CPA4: variants seen among roughly 807,000 people sequenced by gnomAD.
CPA4 encodes carboxypeptidase A3.
In CPA4, 49 loss-of-function variants were observed where a neutral mutation model predicts 54.7. The ratio of observed to expected loss-of-function variants is 0.90; its 90% CI spans 0.71 to 1.14. CPA4 has a LOEUF of 1.14. Ranked by LOEUF, CPA4 falls within the 50% of genes most tolerant of loss-of-function variation. The pLI is 0.00. For missense variants in CPA4, 487 were observed against 525.1 expected (o/e 0.93, Z 0.71); for synonymous variants, 215 against 206.8 (o/e 1.04, Z -0.34).
chr7:130,316,144 A>T (rs183320971), intron 10 of CPA4, among the ~76,000 whole-genome samples: 1 of 152,338 alleles, frequency 6.6e-6, no homozygotes, highest in East Asian at 1.9e-4. Flanking sequence ...TTTGCTCAAT[A>T]GTCAGCCTCA....
chr7:130,303,805 T>TG (rs1001236750), intron 4 of CPA4, among the ~76,000 whole-genome samples: 18 of 149,800 alleles, frequency 1.2e-4, no homozygotes, highest in East Asian at 1.2e-3. Flanking sequence ...TTTTTTTTTT[T>TG]TTTGTTTCAT....
intron 1 of CPA4, among the ~76,000 whole-genome samples, chr7:130,297,066 C>T (rs2117130903): frequency 6.6e-6 from 1 of 152,264 alleles, no homozygotes; most frequent in African/African-American, 2.4e-5. Flanking sequence ...GATCCTCCTG[C>T]CTCAGCCTCC....
chr7:130,305,977 A>G, intron 6 of CPA4, 57 bp downstream of exon 6: 1 of 1,444,948 alleles, frequency 6.9e-7, no homozygotes, highest in Non-Finnish European at 9.7e-7. Context: ...CCCCTGCAGC[A>G]TGCCATGTGG....
intron 9 of CPA4, 131 bp from the exon 10 acceptor site, chr7:130,311,906 AG>A (rs747993435): frequency 8.8e-6 from 6 of 685,164 alleles, no homozygotes; most frequent in Non-Finnish European, 1.6e-5. Flanking sequence ...CACTGGGCGA[AG>A]GGGAAACAAG....
In CPA4 at chr7:130,319,435, G is replaced by A. The variant is rs139700037; in HGVS notation, c.1079-3054G>A. Among the ~76,000 whole-genome samples, 1,473 of 152,302 alleles carry A rather than the reference G, an allele frequency of 9.7e-3. 13 individuals carry two copies. The highest frequency in any genetic ancestry group is 0.013 in the Admixed American group (199 of 15,296). The stretch of plus-strand genomic sequence containing the variant: ...CATTATCTATAGTTACAAAAGACAT[G>A]TACAGGGGCCAAGGGAAAACTTCCC... On this transcript the variant is annotated intron_variant, in intron 10 of 10. Transcript: ENST00000222482.
intron 1 of CPA4, 41 bp downstream of exon 1, chr7:130,293,289 T>C: frequency 8.8e-7 from 1 of 1,142,318 alleles, no homozygotes; most frequent in South Asian, 1.2e-5. Context: ...ATTTCAGAAA[T>C]ATGGGAGCCA....
chr7:130,308,959 T>G (rs1793871596), intron 8 of CPA4, among the ~76,000 whole-genome samples: 1 of 151,570 alleles, frequency 6.6e-6, no homozygotes, highest in Non-Finnish European at 1.5e-5. Context: ...GTTCAAGTGA[T>G]TCTCCTGCCT....
intron 5 of CPA4, among the ~76,000 whole-genome samples, chr7:130,304,979 T>G (rs1793797659): frequency 6.6e-6 from 1 of 152,202 alleles, no homozygotes; most frequent in East Asian, 1.9e-4. Flanking sequence ...AGGGTTGGTG[T>G]AATTTTAAGC....
rs1230394010 is a variant in CPA4, at chr7:130,305,811, T to C, written c.487-5T>C. ...TCATTTTCGAGCCTTTTCTCCCTTC[T>C]GCAGTTCAGCACTGGGAAAGGCGTG... On this transcript the variant is annotated splice_polypyrimidine_tract_variant and splice_region_variant and intron_variant, in intron 5 of 10. Transcript: ENST00000222482. The C allele has an allele frequency of 2.5e-6, 4 of 1,613,220 alleles. No individual in the cohort carries two copies. Among genetic ancestry groups the C allele is most frequent in the African/African-American group, 1.3e-5 (1 of 75,046 alleles).
In CPA4 at chr7:130,323,715, GA is replaced by G. The variant is rs1794163033; in HGVS notation, c.*1040del. 6.6e-6 allele frequency: 1 copy of G among 152,176 alleles called. No homozygotes were observed. Among genetic ancestry groups the G allele is most frequent in the African/African-American group, 2.4e-5 (1 of 41,426 alleles). The allele number at this position is 152,176 out of a possible 1,614,324, so 9.4% of individuals were successfully genotyped here. ...GGTGAAGTGACCATCTAAATTGCAGGATGGTGAAATTATCCCCATCTGTCCT... is the reference window on the plus strand; with the variant it reads ...GGTGAAGTGACCATCTAAATTGCAGGTGGTGAAATTATCCCCATCTGTCCT... On this transcript the variant is annotated 3_prime_UTR_variant, in exon 11 of 11. Transcript: ENST00000222482.
chr7:130,298,662 G>C, intron 1 of CPA4, 84 bp from the exon 2 acceptor site: 1 of 817,606 alleles, frequency 1.2e-6, no homozygotes, highest in Non-Finnish European at 2.1e-6. Context: ...GGTTACGTCT[G>C]GGATAGGAGG....
At chr7:130,293,395 T>A (rs930368836) in intron 1 of CPA4, 147 bp downstream of exon 1, 1 of 652,294 alleles carries the variant, frequency 1.5e-6, no homozygotes, top group South Asian at 1.6e-5. Context: ...CCTGGACAAG[T>A]CCACTCTCTT....
chr7:130,298,888 C>T (rs1471685068), intron 2 of CPA4, 61 bp downstream of exon 2: 3 of 943,548 alleles, frequency 3.2e-6, no homozygotes, highest in Non-Finnish European at 5.2e-6. Context: ...AAGACTCTTG[C>T]TCTACTGGCA....
chr7:130,305,802 T>C lies in CPA4; in HGVS notation c.487-14T>C, dbSNP rs1793809865. ...GGCAGGCGGTCATTTTCGAGCCTTTTCTCCCTTCTGCAGTTCAGCACTGGG... is the reference window on the plus strand; with the variant it reads ...GGCAGGCGGTCATTTTCGAGCCTTTCCTCCCTTCTGCAGTTCAGCACTGGG... On this transcript the variant is annotated splice_polypyrimidine_tract_variant and intron_variant, in intron 5 of 10. Transcript: ENST00000222482. The C allele has an allele frequency of 6.2e-7, 1 of 1,610,344 alleles. No homozygotes were observed. Among genetic ancestry groups the C allele is most frequent in the African/African-American group, 1.3e-5 (1 of 74,848 alleles).
intron 2 of CPA4, 124 bp downstream of exon 2, chr7:130,298,951 T>G (rs945685013): frequency 7.5e-6 from 5 of 667,154 alleles, no homozygotes; most frequent in African/African-American, 1.8e-5. Context: ...GGGAGTCCAC[T>G]TGCCATTTAT....
chr7:130,299,923 G>C (rs901590057), intron 3 of CPA4, among the ~76,000 whole-genome samples: 3 of 152,192 alleles, frequency 2.0e-5, no homozygotes, highest in African/African-American at 7.2e-5. Flanking sequence ...TTGAGACAGG[G>C]GGAATGTCAT....
rs1356653246 is a variant in CPA4, at chr7:130,304,509, A to G, written c.416A>G (p.Asp139Gly). The G allele has an allele frequency of 2.5e-6, 4 of 1,613,424 alleles. No homozygotes were observed. In the East Asian group the frequency reaches 6.7e-5, roughly 27 times the overall value. ...CACGAGATGGACAACATTGCCGCAG[A>G]CTTTCCTGACCTGGCGAGGAGGGTG... is the stretch of plus-strand genomic sequence containing the variant. The part of the protein sequence containing the change: ...IYHEMDNIAA[D>G]FPDLARRVKI... Residue 139 changes from aspartate to glycine, a missense_variant, in exon 5 of 11, where the codon GAC (aspartate) becomes GGC (glycine). By Grantham distance (94) the Asp-to-Gly change is moderately conservative. Transcript: ENST00000222482.
Position 130,306,835 on chromosome 7 carries a change from A to C in CPA4, c.640A>C (p.Lys214Gln). 2 of 1,612,420 alleles carry C rather than the reference A, an allele frequency of 1.2e-6. No individual in the cohort carries two copies. Among genetic ancestry groups the C allele is most frequent in the South Asian group, 2.2e-5 (2 of 91,046 alleles). ...RDPAITSILEKMDIFLLPVAN... is the reference protein window; with the variant it reads ...RDPAITSILEQMDIFLLPVAN... ...TCCAGCTATCACCTCCATCTTGGAG[A>C]AAATGGATATTTTCTTGTTGCCTGT... Residue 214 changes from lysine to glutamine, a missense_variant, in exon 7 of 11, where the codon AAA becomes CAA. Coordinates refer to ENST00000222482, the MANE Select transcript of CPA4 (RefSeq NM_016352.4).
At position 130,298,611 on chromosome 7, in the gene CPA4, C is replaced by T. The variant is rs542458443; in HGVS notation, c.69-135C>T. 2.5e-4 allele frequency: 146 copies of T among 591,822 alleles called. 1 individual carries two copies. The highest frequency in any genetic ancestry group is 1.4e-3 in the African/African-American group (78 of 54,082). 36.7% of individuals were successfully genotyped at this position (591,822 alleles called of 1,614,324 possible). A position where few individuals can be genotyped will look rare whatever the true frequency, so the allele number is the denominator to read the frequency against. On this transcript the variant is annotated intron_variant, in intron 1 of 10. Transcript: ENST00000222482. ...TGTAGCCTCATTTTTAATGGCCATACATTAAAACCAAAGACTAGACCATTT... is the reference window on the plus strand; with the variant it reads ...TGTAGCCTCATTTTTAATGGCCATATATTAAAACCAAAGACTAGACCATTT...
Sources: allele counts gnomAD v4.1 joint callset (sites outside exome capture counted in the v4.1 genomes callset), GRCh38; gene constraint gnomAD v4.1.1; transcripts MANE v1.5; gene names NCBI Gene and HGNC (gene_info 2026-07-23, HGNC 2026-07-21).